The following SLC6A16 variants were observed in gnomAD, a reference collection of about 807,000 sequenced individuals.
SLC6A16 encodes solute carrier family 6 member 16.
In SLC6A16, 54 loss-of-function variants were observed where a neutral mutation model predicts 65.4. The observed-to-expected ratio is 0.83, with a 90% CI of 0.66 to 1.04. The LOEUF is 1.04. Among genes scored for constraint, SLC6A16 ranks in the 50% least tolerant of loss-of-function variants. SLC6A16 has a pLI of 0.00. For missense variants in SLC6A16, 816 were observed against 914.0 expected, an observed-to-expected ratio of 0.89 and a Z score of 1.38; for synonymous variants, 330 against 346.5, an observed-to-expected ratio of 0.95 and a Z score of 0.53.
upstream of SLC6A16, among the ~76,000 whole-genome samples, chr19:49,326,098 A>G (rs1970794066): frequency 6.6e-6 from 1 of 151,852 alleles, no homozygotes; most frequent in Non-Finnish European, 1.5e-5. Flanking sequence ...GGAACCCAGG[A>G]GGCAGAGGTT....
rs1417840628 is a variant in SLC6A16 at position 49,309,762 on chromosome 19, T to A, written c.765A>T (p.Ser255=). ...GTGACCCGCCATCCTCGATTCTGTC[T>A]GAGGCCTTCAAGGCCTGCTGGTACC... The part of the protein sequence containing the change: ...YFWYQQALKA[S]DRIEDGGSPV... Residue 255 remains serine (S), a synonymous_variant, in exon 5 of 12, where the codon TCA becomes TCT. Coordinates refer to ENST00000335875, the MANE Select transcript of SLC6A16 (RefSeq NM_014037.3). 1.2e-6 allele frequency: 2 copies of A among 1,614,088 alleles called. No individual in the cohort carries two copies. The highest frequency in any genetic ancestry group is 4.5e-5 in the East Asian group (2 of 44,870).
intron 7 of SLC6A16, 38 bp from the exon 8 acceptor site, chr19:49,294,591 C>T: frequency 1.3e-6 from 2 of 1,528,098 alleles, no homozygotes; most frequent in Non-Finnish European, 1.8e-6. Context: ...AACCATTTGG[C>T]CCAGTAGGAG....
chr19:49,295,793 G>T (rs577626582), intron 7 of SLC6A16, among the ~76,000 whole-genome samples: 2 of 152,084 alleles, frequency 1.3e-5, no homozygotes, highest in African/African-American at 4.8e-5. Context: ...AAACACCAGA[G>T]CCTGCCCAAA....
chr19:49,319,690 C>G (rs1008091110), intron 1 of SLC6A16, among the ~76,000 whole-genome samples: 6 of 151,972 alleles, frequency 3.9e-5, no homozygotes. Flanking sequence ...AAATAGAGGA[C>G]TTAACACAAT....
chr19:49,338,960 A>C, the SLC6A16 span: 20 of 1,521,300 alleles, frequency 1.3e-5, no homozygotes, highest in Non-Finnish European at 1.7e-5. The surrounding 1 kb of genome is among the most constrained non-coding windows in gnomAD (Gnocchi z 5.0). Flanking sequence ...CGGAGCATAA[A>C]CCTGTCGAAT....
intron 1 of SLC6A16, among the ~76,000 whole-genome samples, chr19:49,315,319 A>C (rs79301689): frequency 0.022 from 3,392 of 152,346 alleles, 125 homozygotes; most frequent in African/African-American, 0.071. Context: ...AACAGCTTCC[A>C]GAAGCTGTAT....
chr19:49,338,982 T>C, the SLC6A16 span: 2 of 1,402,030 alleles, frequency 1.4e-6, no homozygotes. The surrounding 1 kb of genome is among the most constrained non-coding windows in gnomAD (Gnocchi z 5.0). Flanking sequence ...GGGCGGGGCC[T>C]GCGGGAGGGG....
chr19:49,333,267 G>C, the SLC6A16 span, among the ~76,000 whole-genome samples: 1 of 151,966 alleles, frequency 6.6e-6, no homozygotes. Flanking sequence ...GAGGTCAGGA[G>C]TTCGAGGTCA....
chr19:49,312,139 G>A (rs912367303), intron 1 of SLC6A16, among the ~76,000 whole-genome samples: 1 of 151,876 alleles, frequency 6.6e-6, no homozygotes, highest in Non-Finnish European at 1.5e-5. Context: ...TTACAGGTGT[G>A]AGCCACTGCA....
chr19:49,293,934 A>T lies in SLC6A16; in HGVS notation c.1511T>A (p.Met504Lys), dbSNP rs372388749. 3 of 1,613,966 alleles carry T rather than the reference A, an allele frequency of 1.9e-6. No homozygotes were observed. The African/African-American group carries it at 4.0e-5, about 22-fold the overall frequency. ...SVFWSFIFFL[M>K]LLAMGLSSAI... ...GCTGCTCAGCCCCATGGCCAGCAACATCAGGAAGAAGATAAAAGACCAGAA... is the reference window on the plus strand; with the variant it reads ...GCTGCTCAGCCCCATGGCCAGCAACTTCAGGAAGAAGATAAAAGACCAGAA... The change falls in exon 9 of 12, where the codon ATG becomes AAG. Residue 504 changes from methionine (M) to lysine (K), a missense_variant. Physicochemically the swap from Met to Lys is moderately conservative, Grantham distance 95 (BLOSUM62 -1). Coordinates refer to ENST00000335875, the MANE Select transcript of SLC6A16 (RefSeq NM_014037.3).
At chr19:49,313,109 A>G (rs1365285948) in intron 1 of SLC6A16, among the ~76,000 whole-genome samples, 1 of 150,710 alleles carries the variant, frequency 6.6e-6, no homozygotes, top group East Asian at 1.9e-4. Flanking sequence ...GATGATGGCT[A>G]CAAATATGTT....
At chr19:49,308,800 A>G (rs1220863204) in intron 7 of SLC6A16, 76 bp downstream of exon 7, 1 of 1,573,862 alleles carries the variant, frequency 6.4e-7, no homozygotes, top group Admixed American at 1.7e-5. Context: ...GGGTCTTTGC[A>G]GCACCTTTAA....
chr19:49,294,269 C>G (rs969840154), intron 8 of SLC6A16, 98 bp downstream of exon 8: 4 of 1,210,652 alleles, frequency 3.3e-6, no homozygotes. Context: ...GATTCTGGTG[C>G]TTCCGGGATT....
chr19:49,340,024 C>T, the SLC6A16 span: 2 of 1,479,880 alleles, frequency 1.4e-6, no homozygotes, highest in African/African-American at 1.4e-5. Flanking sequence ...TGCTTCCGAC[C>T]TTACTCCTTC....
chr19:49,311,097 G>T lies in SLC6A16; in HGVS notation c.251C>A (p.Pro84His). The change falls in exon 2 of 12, where the codon CCC becomes CAC. Residue 84 changes from proline (P) to histidine (H), a missense_variant. Transcript: ENST00000335875. The part of the protein sequence containing the change: ...ALTASALNQK[P>H]THEKVQMTEK... ...TGTCATCTGCACCTTCTCATGCGTG[G>T]GTTTCTGGTTCAGGGCTGAGGCAGT... 6.2e-7 allele frequency: 1 copy of T among 1,614,206 alleles called. No homozygotes were observed. The highest frequency in any genetic ancestry group is 8.5e-7 in the Non-Finnish European group (1 of 1,180,046).
chr19:49,300,935 C>T lies in SLC6A16; in HGVS notation c.1230-6382G>A, dbSNP rs371744731. Among the ~76,000 whole-genome samples, 11 of 152,030 alleles carry T rather than the reference C, an allele frequency of 7.2e-5. No individual in the cohort carries two copies. The East Asian group carries it at 1.4e-3, about 19-fold the overall frequency. ...GGCATGGTGGCACGTTCCTGTAATC[C>T]CATCTACTTGGGAGGCTGAGACAGG... is the stretch of plus-strand genomic sequence containing the variant. On this transcript the variant is annotated intron_variant, in intron 7 of 11. Coordinates refer to ENST00000335875, the MANE Select transcript of SLC6A16 (RefSeq NM_014037.3).
At position 49,311,397 on chromosome 19, in the gene SLC6A16, T is replaced by C; in HGVS notation, c.-50A>G. The C allele has an allele frequency of 6.6e-7, 1 of 1,521,576 alleles. No homozygotes were observed. The allele number at this position is 1,521,576 out of a possible 1,614,324, so 94.3% of individuals were successfully genotyped here. On this transcript the variant is annotated 5_prime_UTR_variant, in exon 2 of 12. The change abolishes an upstream ATG in the 5' untranslated region. Transcript: ENST00000335875. Reference sequence around the variant, plus strand: ...TCCCGCTTCTGCAAGGGAGGGTTCATCTTCCTGAGGAGACCTGAAGGACAC... The same window carrying C: ...TCCCGCTTCTGCAAGGGAGGGTTCACCTTCCTGAGGAGACCTGAAGGACAC...
upstream of SLC6A16, chr19:49,325,343 G>C (rs989570196): frequency 4.7e-6 from 3 of 633,022 alleles, no homozygotes; most frequent in Non-Finnish European, 5.9e-6. Context: ...CACATCCTCT[G>C]ACTGCTCACG....
chr19:49,299,997 C>CAAAAAAA (rs889761825), intron 7 of SLC6A16, among the ~76,000 whole-genome samples: 1 of 49,014 alleles, frequency 2.0e-5, no homozygotes, highest in Non-Finnish European at 4.3e-5. Context: ...GACTCTGTCT[C>CAAAAAAA]AAAAAAAAAA....
Sources: allele counts gnomAD v4.1 joint callset (sites outside exome capture counted in the v4.1 genomes callset), GRCh38; gene constraint gnomAD v4.1.1; non-coding constraint Gnocchi (gnomAD v3.1); transcripts MANE v1.5; gene names NCBI Gene and HGNC (gene_info 2026-07-23, HGNC 2026-07-21).